The following FHIT variants were observed in gnomAD, a reference collection of about 807,000 sequenced individuals.
FHIT encodes the protein fragile histidine triad diadenosine triphosphatase, also known as bis(5'-adenosyl)-triphosphatase.
A neutral mutation model predicts 17.9 loss-of-function variants in FHIT; 19 were observed. That is an observed-to-expected ratio of 1.06 (90% CI 0.74 to 1.56). The LOEUF (loss-of-function observed/expected upper bound fraction) is 1.56, where lower values mean the gene tolerates loss of function less well. Ranked by LOEUF, FHIT falls within the 40% of genes most tolerant of loss-of-function variation. The pLI is 0.00. For synonymous variants in FHIT, 81 were observed against 69.7 expected (o/e 1.16, Z -0.81); for missense variants, 248 against 189.2 (o/e 1.31, Z -1.82).
intron 4 of FHIT, among the ~76,000 whole-genome samples, chr3:60,660,754 A>G (rs1444529609): frequency 7.5e-4 from 7 of 9,364 alleles, no homozygotes; most frequent in African/African-American, 1.7e-3. Context: ...TTTTTTTGCC[A>G]TCTGCCATTC....
At position 59,917,925 on chromosome 3, in the gene FHIT, G is replaced by A. The variant is rs547057506; in HGVS notation, c.348+4421C>T. The stretch of plus-strand genomic sequence containing the variant: ...AGGGGGCAAGTTAGTTATCAACTTC[G>A]ACATGTGCCTATCAGACTTGCTTAG... On this transcript the variant is annotated intron_variant, in intron 8 of 9. Coordinates refer to ENST00000492590, the MANE Select transcript of FHIT (RefSeq NM_002012.4). 4.6e-5 allele frequency among the ~76,000 whole-genome samples: 7 copies of A among 152,312 alleles called. No individual in the cohort carries two copies. The South Asian group carries it at 8.3e-4, about 18-fold the overall frequency.
intron 5 of FHIT, among the ~76,000 whole-genome samples, chr3:60,480,298 G>A (rs189179834): frequency 3.9e-4 from 59 of 152,144 alleles, no homozygotes; most frequent in African/African-American, 1.4e-3. Flanking sequence ...CAACATCTGG[G>A]GATTACAATT....
intron 5 of FHIT, among the ~76,000 whole-genome samples, chr3:60,178,152 T>C (rs1464791158): frequency 6.6e-6 from 1 of 152,188 alleles, no homozygotes; most frequent in African/African-American, 2.4e-5. Flanking sequence ...AGCTGGCTAT[T>C]TAGTGCCAGA....
chr3:59,830,158 A>C (rs1196554810), intron 8 of FHIT, among the ~76,000 whole-genome samples: 1 of 152,246 alleles, frequency 6.6e-6, no homozygotes, highest in Non-Finnish European at 1.5e-5. Context: ...GATATTACCA[A>C]GAATAGCTTA....
At position 59,909,058 on chromosome 3, in the gene FHIT, G is replaced by C. The variant is rs528213710; in HGVS notation, c.348+13288C>G. On this transcript the variant is annotated intron_variant, in intron 8 of 9. Coordinates refer to ENST00000492590, the MANE Select transcript of FHIT (RefSeq NM_002012.4). ...TATTCCTTTTTATTTTTTTGAGACA[G>C]AGTCTCGCTCTGTCACCCAGGATGG... Among the ~76,000 whole-genome samples the C allele has an allele frequency of 3.9e-5, 6 of 152,060 alleles. No individual in the cohort carries two copies. In the South Asian group the frequency reaches 1.0e-3, roughly 26 times the overall value.
At chr3:60,063,333 C>G (rs1315305996) in intron 5 of FHIT, among the ~76,000 whole-genome samples, 1 of 152,168 alleles carries the variant, frequency 6.6e-6, no homozygotes, top group East Asian at 1.9e-4. Context: ...AAATAAAAAT[C>G]ATCTTGTGTT....
At chr3:60,751,856 A>G (rs972036247) in intron 4 of FHIT, among the ~76,000 whole-genome samples, 4 of 152,224 alleles carry the variant, frequency 2.6e-5, no homozygotes, top group Admixed American at 6.5e-5. Context: ...TAAAAAAACC[A>G]GAAACAATCT....
At chr3:60,954,123 A>G (rs1709012721) in intron 3 of FHIT, among the ~76,000 whole-genome samples, 1 of 152,170 alleles carries the variant, frequency 6.6e-6, no homozygotes, top group Non-Finnish European at 1.5e-5. Flanking sequence ...ATCTATAATG[A>G]CTCAAGCCAC....
chr3:60,921,132 A>G (rs1286203004), intron 3 of FHIT, among the ~76,000 whole-genome samples: 1 of 152,190 alleles, frequency 6.6e-6, no homozygotes, highest in Non-Finnish European at 1.5e-5. Flanking sequence ...AAGACTTGAA[A>G]GGCAAACGAC....
Position 61,241,976 on chromosome 3 carries a change from A to G in FHIT, c.-213+9325T>C, listed in dbSNP as rs188804397. ...TCTGTATGGAGTGAACAGACCAGAA[A>G]AGTAAGGCCACTACATTGTGAAATA... On this transcript the variant is annotated intron_variant, in intron 1 of 9. Coordinates refer to ENST00000492590, the MANE Select transcript of FHIT (RefSeq NM_002012.4). Among the ~76,000 whole-genome samples the G allele has an allele frequency of 2.6e-5, 4 of 152,290 alleles. No individual in the cohort carries two copies. In the East Asian group the frequency reaches 7.7e-4, roughly 29 times the overall value.
intron 8 of FHIT, among the ~76,000 whole-genome samples, chr3:59,785,722 G>A (rs985321949): frequency 1.3e-5 from 2 of 152,306 alleles, no homozygotes; most frequent in South Asian, 2.1e-4. Context: ...CAAATACCAG[G>A]ATTAATGCTT....
intron 1 of FHIT, among the ~76,000 whole-genome samples, chr3:61,249,103 T>A (rs1052479110): frequency 6.6e-6 from 1 of 152,184 alleles, no homozygotes; most frequent in Non-Finnish European, 1.5e-5. Flanking sequence ...TTGGTCCTGG[T>A]CTGTGGCCTT....
chr3:60,386,125 A>G (rs1701000552), intron 5 of FHIT, among the ~76,000 whole-genome samples: 1 of 152,122 alleles, frequency 6.6e-6, no homozygotes, highest in African/African-American at 2.4e-5. Context: ...GGCAGAACCA[A>G]GATTTCAAGA....
At chr3:60,977,614 G>A (rs1192050781) in intron 3 of FHIT, among the ~76,000 whole-genome samples, 2 of 152,172 alleles carry the variant, frequency 1.3e-5, no homozygotes, top group East Asian at 1.9e-4. Flanking sequence ...GTTCACGCCT[G>A]TAATCCCAGC....
chr3:60,358,982 G>A (rs77207216), intron 5 of FHIT, among the ~76,000 whole-genome samples: 259 of 152,254 alleles, frequency 1.7e-3, no homozygotes, highest in African/African-American at 6.0e-3. Context: ...AGGGCTTGTA[G>A]TCTACTTGTT....
intron 2 of FHIT, among the ~76,000 whole-genome samples, chr3:61,053,539 T>G (rs1482837742): frequency 6.6e-6 from 1 of 151,946 alleles, no homozygotes; most frequent in African/African-American, 2.4e-5. Context: ...ATGGCTGTAA[T>G]CCCAGCTACT....
chr3:60,503,714 C>T (rs1053315122), intron 5 of FHIT, among the ~76,000 whole-genome samples: 1 of 151,932 alleles, frequency 6.6e-6, no homozygotes, highest in Non-Finnish European at 1.5e-5. Context: ...TAAGAAAAAA[C>T]TTACGGTATT....
chr3:59,873,299 T>C, intron 8 of FHIT, among the ~76,000 whole-genome samples: 1 of 152,210 alleles, frequency 6.6e-6, no homozygotes, highest in Non-Finnish European at 1.5e-5. Flanking sequence ...ATTTTCTGGA[T>C]GGATGGATGG....
chr3:60,599,853 C>T (rs1181038538), intron 4 of FHIT, among the ~76,000 whole-genome samples: 1 of 152,014 alleles, frequency 6.6e-6, no homozygotes, highest in Non-Finnish European at 1.5e-5. Flanking sequence ...AGTTCTTGAC[C>T]TCAGCACTAT....
Sources: gnomAD v4.1 joint callset for allele counts (sites outside exome capture counted in the v4.1 genomes callset) on GRCh38, gnomAD v4.1.1 for gene constraint, MANE v1.5 for transcripts, NCBI Gene and HGNC (gene_info 2026-07-23, HGNC 2026-07-21) for gene names.